PHF8: variants seen among roughly 807,000 people sequenced by gnomAD.
PHF8 encodes the protein histone lysine demethylase PHF8.
A neutral mutation model predicts 74.4 loss-of-function variants in PHF8; 9 were observed. That is an observed-to-expected ratio of 0.12 (90% CI 0.07 to 0.21). The LOEUF (loss-of-function observed/expected upper bound fraction) is 0.21. Ranked by LOEUF, PHF8 falls within the 10% of genes least tolerant of loss-of-function variation. PHF8 has a pLI of 1.00. For missense variants in PHF8, 478 were observed against 816.6 expected (o/e 0.59, Z 5.05); for synonymous variants, 311 against 316.6 (o/e 0.98, Z 0.19).
Position 53,999,195 on chromosome X carries a change from C to T in PHF8, c.1233+675G>A, listed in dbSNP as rs1004666227. Reference sequence around the variant, plus strand: ...CAGATTTTCTTCTGCCTGGGCCACCCGGGACAGCAAGACCAACCCCTCTCC... The same window carrying T: ...CAGATTTTCTTCTGCCTGGGCCACCTGGGACAGCAAGACCAACCCCTCTCC... On this transcript the variant is annotated intron_variant, in intron 11 of 21. Coordinates refer to ENST00000338154, the MANE Select transcript of PHF8 (RefSeq NM_015107.3). Among the ~76,000 whole-genome samples, 39 of 111,483 alleles carry T rather than the reference C, an allele frequency of 3.5e-4. 1 individual carries two copies. Among genetic ancestry groups the T allele is most frequent in the South Asian group, 3.8e-4 (1 of 2,602 alleles).
In PHF8 at chrX:54,015,433, G is replaced by A. The variant is rs782139056; in HGVS notation, c.597-870C>T. On this transcript the variant is annotated intron_variant, in intron 6 of 21. Transcript: ENST00000338154. ...CTACTAAAAACATAAAAAATTAGCC[G>A]GGTGTGGTCGCAGGTGCCTGTGGTC... 3.8e-4 allele frequency among the ~76,000 whole-genome samples: 41 copies of A among 108,780 alleles called. No individual in the cohort carries two copies. The East Asian group carries it at 6.6e-3, about 18-fold the overall frequency. The allele number at this position is 108,780 out of a possible 115,157, so 94.5% of individuals were successfully genotyped here. A position where few individuals can be genotyped will look rare whatever the true frequency, so the allele number is the denominator to read the frequency against.
chrX:54,041,291 C>T (rs781903786), intron 2 of PHF8, among the ~76,000 whole-genome samples: 3 of 106,436 alleles, frequency 2.8e-5, no homozygotes, highest in South Asian at 8.2e-4. Context: ...GGCTGAGGCA[C>T]GAGAATCGCT....
intron 20 of PHF8, among the ~76,000 whole-genome samples, chrX:53,941,728 T>G (rs1204907891): frequency 8.9e-6 from 1 of 111,970 alleles, no homozygotes; most frequent in Non-Finnish European, 1.9e-5. Flanking sequence ...AATAACAATA[T>G]TAGTAATACA....
intron 8 of PHF8, 39 bp from the exon 9 acceptor site, chrX:54,002,721 C>T (rs1557104475): frequency 1.1e-6 from 1 of 903,651 alleles, no homozygotes; most frequent in Non-Finnish European, 1.6e-6. Context: ...TGGAAGAGGG[C>T]CTTTCTTCCT....
At chrX:53,966,378 C>T (rs985823577) in intron 18 of PHF8, among the ~76,000 whole-genome samples, 2 of 112,530 alleles carry the variant, frequency 1.8e-5, no homozygotes, top group South Asian at 3.6e-4. Context: ...ACTGCAGGCG[C>T]GTGCCGCCAC....
At chrX:53,992,248 T>C (rs1415736291) in intron 14 of PHF8, among the ~76,000 whole-genome samples, 1 of 112,284 alleles carries the variant, frequency 8.9e-6, no homozygotes, top group African/African-American at 3.2e-5. Context: ...TCTATAGATG[T>C]ACCATCATTT....
rs781861301 is a variant in PHF8 at position 53,940,386 on chromosome X, TGTG to T, written c.2777_2779del (p.Pro926del). ...CAGGGGTGAGGAGGAGGTGACAAGTTGTGGTGTGGCAGCCACAGTGGGGGCTGG... is the reference window on the plus strand; with the variant it reads ...CAGGGGTGAGGAGGAGGTGACAAGTTGTGTGGCAGCCACAGTGGGGGCTGG... On this transcript the variant is annotated inframe_deletion, in exon 21 of 22. Transcript: ENST00000338154. 1.7e-6 allele frequency: 2 copies of T among 1,209,901 alleles called. No individual in the cohort carries two copies. Among genetic ancestry groups the T allele is most frequent in the South Asian group, 3.5e-5 (2 of 56,651 alleles).
chrX:54,043,390 G>A (rs1345593878), intron 1 of PHF8, among the ~76,000 whole-genome samples: 1 of 110,884 alleles, frequency 9.0e-6, no homozygotes, highest in Non-Finnish European at 1.9e-5. Flanking sequence ...CGTGTTCGGA[G>A]AGTTTAAATA....
At chrX:54,016,974 C>T (rs1017619299) in intron 5 of PHF8, among the ~76,000 whole-genome samples, 1 of 112,392 alleles carries the variant, frequency 8.9e-6, no homozygotes, top group Non-Finnish European at 1.9e-5. Context: ...CATAGTAGTC[C>T]ATCTGCCTGG....
In PHF8 at chrX:53,937,186, G is replaced by T. The variant is rs1557081906; in HGVS notation, c.*1972C>A. On this transcript the variant is annotated 3_prime_UTR_variant, in exon 22 of 22. Transcript: ENST00000338154. Reference sequence around the variant, plus strand: ...AAACAACACAAAACAACAAACAGGGGGCTCTAAGAACCCAACTAAGCTAAA... The same window carrying T: ...AAACAACACAAAACAACAAACAGGGTGCTCTAAGAACCCAACTAAGCTAAA... The T allele has an allele frequency of 9.0e-6, 1 of 111,109 alleles. No homozygotes were observed. Among genetic ancestry groups the T allele is most frequent in the African/African-American group, 3.3e-5 (1 of 30,377 alleles). The allele number at this position is 111,109 out of a possible 1,213,427, so 9.2% of individuals were successfully genotyped here. A position where few individuals can be genotyped will look rare whatever the true frequency, so the allele number is the denominator to read the frequency against.
At chrX:53,976,040 C>T (rs1238960001) in intron 18 of PHF8, among the ~76,000 whole-genome samples, 5 of 110,842 alleles carry the variant, frequency 4.5e-5, no homozygotes, top group African/African-American at 1.6e-4. Context: ...AAAGGCTGGG[C>T]ATGGTGGCTC....
intron 8 of PHF8, among the ~76,000 whole-genome samples, chrX:54,008,091 C>T (rs993035666): frequency 9.0e-6 from 1 of 111,707 alleles, no homozygotes; most frequent in African/African-American, 3.3e-5. Context: ...ACGAAGTGGT[C>T]GGCGCAGTGG....
chrX:53,951,406 G>A (rs1557086858), intron 19 of PHF8, among the ~76,000 whole-genome samples: 1 of 111,368 alleles, frequency 9.0e-6, no homozygotes, highest in African/African-American at 3.3e-5. Context: ...ACTCCAAGCT[G>A]AACAAATTTA....
chrX:53,937,855 TTC>T lies in PHF8; in HGVS notation c.*1301_*1302del, dbSNP rs782768332. ...AGTGCCAAATGGAGGTGGGGGGATG[TTC>T]TCCATCGAGTCCAGATTGCCAGTGA... On this transcript the variant is annotated 3_prime_UTR_variant, in exon 22 of 22. Coordinates refer to ENST00000338154, the MANE Select transcript of PHF8 (RefSeq NM_015107.3). 1.3e-5 allele frequency: 7 copies of T among 538,632 alleles called. No homozygotes were observed. The highest frequency in any genetic ancestry group is 2.1e-5 in the Non-Finnish European group (7 of 326,204). The allele number at this position is 538,632 out of a possible 1,213,427, so 44.4% of individuals were successfully genotyped here.
chrX:54,031,595 A>C (rs1000104228), intron 2 of PHF8, among the ~76,000 whole-genome samples: 3 of 109,927 alleles, frequency 2.7e-5, no homozygotes, highest in Non-Finnish European at 5.7e-5. Flanking sequence ...AAAAAAAAAA[A>C]AAACCCAAAC....
rs1422286175 is a variant in PHF8 at position 54,002,255 on chromosome X, A to G, written c.1041T>C (p.Tyr347=). Residue 347 remains tyrosine (Y), a synonymous_variant, in exon 10 of 22, where the codon TAT becomes TAC. Coordinates refer to ENST00000338154, the MANE Select transcript of PHF8 (RefSeq NM_015107.3). ...CTGTGCTCAGCCGCTTCTCAATCTC[A>G]TAGGCTCTAGAAGGAGGAAACACCA... ...SLNIEMQLKA[Y]EIEKRLSTAD... The G allele has an allele frequency of 7.0e-6, 8 of 1,141,342 alleles. No individual in the cohort carries two copies. The highest frequency in any genetic ancestry group is 8.4e-6 in the Non-Finnish European group (7 of 831,619). The allele number at this position is 1,141,342 out of a possible 1,213,427, so 94.1% of individuals were successfully genotyped here.
At chrX:54,007,482 G>C (rs904236630) in intron 8 of PHF8, among the ~76,000 whole-genome samples, 1 of 112,071 alleles carries the variant, frequency 8.9e-6, no homozygotes, top group South Asian at 3.6e-4. Flanking sequence ...CCAAGAATGA[G>C]AGAAAATATT....
chrX:54,048,188 CAAAAA>C (rs10709409), upstream of PHF8, among the ~76,000 whole-genome samples: 4 of 86,781 alleles, frequency 4.6e-5, no homozygotes, highest in Admixed American at 5.2e-4. Flanking sequence ...GACTCCATCT[CAAAAA>C]AAAAAAAAAA....
At chrX:53,954,566 G>A (rs912378438) in intron 19 of PHF8, among the ~76,000 whole-genome samples, 3 of 96,279 alleles carry the variant, frequency 3.1e-5, no homozygotes, top group Admixed American at 1.2e-4. Context: ...GTCGTAACAC[G>A]TAAGATTTTG....
Sources: gnomAD v4.1 joint callset for allele counts (sites outside exome capture counted in the v4.1 genomes callset) on GRCh38, gnomAD v4.1.1 for gene constraint, MANE v1.5 for transcripts, NCBI Gene and HGNC (gene_info 2026-07-23, HGNC 2026-07-21) for gene names.